The following DGKD variants were observed in gnomAD, a reference collection of about 807,000 sequenced individuals.
DGKD encodes diacylglycerol kinase delta.
A neutral mutation model predicts 154.4 loss-of-function variants in DGKD; 68 were observed. That is an observed-to-expected ratio of 0.44 (90% CI 0.36 to 0.54). The LOEUF is 0.54. DGKD is among the 20% of genes least tolerant of loss of function. DGKD has a pLI of 0.00. For missense variants in DGKD, 1,343 were observed against 1,593.6 expected (o/e 0.84, Z 2.68); for synonymous variants, 693 against 638.0 (o/e 1.09, Z -1.30).
At chr2:233,409,573 T>C (rs1414602153) in intron 3 of DGKD, among the ~76,000 whole-genome samples, 1 of 151,918 alleles carries the variant, frequency 6.6e-6, no homozygotes, top group African/African-American at 2.4e-5. Flanking sequence ...TAAAAAAAAA[T>C]CCCACGTTCC....
At chr2:233,409,385 G>A (rs1390918620) in intron 3 of DGKD, among the ~76,000 whole-genome samples, 1 of 152,112 alleles carries the variant, frequency 6.6e-6, no homozygotes, top group Non-Finnish European at 1.5e-5. Context: ...CTGGGGGGAA[G>A]ATACATGGAT....
intron 17 of DGKD, 152 bp from the exon 18 acceptor site, chr2:233,451,812 G>A: frequency 4.7e-6 from 3 of 642,302 alleles, no homozygotes; most frequent in South Asian, 2.1e-5. Flanking sequence ...AAGACTATTG[G>A]CAAAATTTGG....
rs1254129941 is a variant in DGKD at position 233,471,870 on chromosome 2, C to T, written c.*2410C>T. On this transcript the variant is annotated 3_prime_UTR_variant, in exon 30 of 30. Transcript: ENST00000264057. ...CCCCTTGTGGTGTTGCCAGACGGGC[C>T]TCATGGTCTGCTGTGCAGAGAGAGG... is the stretch of plus-strand genomic sequence containing the variant. The T allele has an allele frequency of 2.0e-5, 3 of 152,336 alleles. No homozygotes were observed. The highest frequency in any genetic ancestry group is 7.2e-5 in the African/African-American group (3 of 41,432). 9.4% of individuals were successfully genotyped at this position (152,336 alleles called of 1,614,324 possible).
chr2:233,467,330 C>T (rs2305539), intron 28 of DGKD, 127 bp downstream of exon 28: 21,883 of 722,714 alleles, frequency 0.03, 2,045 homozygotes, highest in Admixed American at 0.21. Flanking sequence ...CTGTAACCCC[C>T]GGTCCTGCGA....
intron 3 of DGKD, among the ~76,000 whole-genome samples, chr2:233,392,553 T>A (rs1472425978): frequency 6.6e-6 from 1 of 152,210 alleles, no homozygotes; most frequent in Non-Finnish European, 1.5e-5. Context: ...ACATACTGTG[T>A]TTTGATTTCA....
intron 11 of DGKD, 71 bp from the exon 12 acceptor site, chr2:233,446,641 C>G: frequency 6.7e-7 from 1 of 1,497,314 alleles, no homozygotes; most frequent in Non-Finnish European, 9.1e-7. Context: ...GCCGTGAAAG[C>G]GGACGGCGCA....
In DGKD at chr2:233,457,077, C is replaced by T. The variant is rs2063483778; in HGVS notation, c.2472+82C>T. 2.2e-6 allele frequency: 3 copies of T among 1,358,284 alleles called. No individual in the cohort carries two copies. Among genetic ancestry groups the T allele is most frequent in the African/African-American group, 1.4e-5 (1 of 69,812 alleles). 84.1% of individuals were successfully genotyped at this position (1,358,284 alleles called of 1,614,324 possible). A position where few individuals can be genotyped will look rare whatever the true frequency, so the allele number is the denominator to read the frequency against. ...CAGGCCTATTGCTTCTCCTGTTGAC[C>T]ATTTCCTCCATGCACAGGGACTTGC... On this transcript the variant is annotated intron_variant, in intron 20 of 29. Transcript: ENST00000264057. The surrounding 1 kb of genome is among the most constrained non-coding windows in gnomAD (Gnocchi z 5.5).
At chr2:233,422,211 A>G (rs898374404) in intron 3 of DGKD, among the ~76,000 whole-genome samples, 3 of 152,200 alleles carry the variant, frequency 2.0e-5, no homozygotes, top group Admixed American at 1.3e-4. Context: ...GAAGTGCACT[A>G]CTGTTTGAGG....
rs924270384 is a variant in DGKD at position 233,409,972 on chromosome 2, C to T, written c.348+19489C>T. On this transcript the variant is annotated intron_variant, in intron 3 of 29. Transcript: ENST00000264057. Reference sequence around the variant, plus strand: ...AGTGCTGGACTTCATACAGAAAAGTCGATGCTGTTTTCTTTTCTTTTTCTT... The same window carrying T: ...AGTGCTGGACTTCATACAGAAAAGTTGATGCTGTTTTCTTTTCTTTTTCTT... Among the ~76,000 whole-genome samples the T allele has an allele frequency of 2.2e-4, 34 of 151,904 alleles. 1 individual carries two copies. Among genetic ancestry groups the T allele is most frequent in the South Asian group, 8.3e-4 (4 of 4,800 alleles).
Position 233,438,083 on chromosome 2 carries a change from C to T in DGKD, c.923-134C>T. On this transcript the variant is annotated intron_variant, in intron 8 of 29. Transcript: ENST00000264057. This position sits in a 1 kb window ranked among gnomAD's most constrained non-coding sequence, Gnocchi z 4.1. ...CGGCTGTGGGGAACTGTTCACTGAC[C>T]TCCTCCTGACTTACAGGTGTGCATG... 1 of 1,001,554 alleles carries T rather than the reference C, an allele frequency of 1.0e-6. No individual in the cohort carries two copies. Among genetic ancestry groups the T allele is most frequent in the East Asian group, 2.4e-5 (1 of 41,356 alleles). 62.0% of individuals were successfully genotyped at this position (1,001,554 alleles called of 1,614,324 possible). A position where few individuals can be genotyped will look rare whatever the true frequency, so the allele number is the denominator to read the frequency against.
chr2:233,389,573 TAAA>T (rs34888206), intron 2 of DGKD, among the ~76,000 whole-genome samples: 2 of 143,134 alleles, frequency 1.4e-5, no homozygotes. Context: ...TTCCCTCAAT[TAAA>T]AAAAAAAAAA....
chr2:233,392,855 G>A (rs1354048571), intron 3 of DGKD, among the ~76,000 whole-genome samples: 1 of 152,082 alleles, frequency 6.6e-6, no homozygotes, highest in Non-Finnish European at 1.5e-5. Context: ...GTACTGTTGT[G>A]TAGTTTAAAC....
At chr2:233,451,926 C>G (rs1161925256) in intron 17 of DGKD, 38 bp from the exon 18 acceptor site, 1 of 1,585,912 alleles carries the variant, frequency 6.3e-7, no homozygotes, top group African/African-American at 1.3e-5. Flanking sequence ...GCTGTAGCTC[C>G]TGACCAGCAC....
At chr2:233,464,003 G>A in intron 26 of DGKD, 161 bp from the exon 27 acceptor site, 1 of 914,020 alleles carries the variant, frequency 1.1e-6, no homozygotes, top group Non-Finnish European at 1.6e-6. Context: ...TGAGGTTCTG[G>A]GTTTGGTTCC....
At chr2:233,397,817 G>A (rs1289268687) in intron 3 of DGKD, among the ~76,000 whole-genome samples, 1 of 151,926 alleles carries the variant, frequency 6.6e-6, no homozygotes, top group Non-Finnish European at 1.5e-5. Context: ...GGGGGCAGTG[G>A]GCAGGCTAGT....
intron 1 of DGKD, among the ~76,000 whole-genome samples, chr2:233,371,032 G>A (rs1345446918): frequency 1.3e-5 from 2 of 152,138 alleles, no homozygotes; most frequent in African/African-American, 4.8e-5. Context: ...GATTACAGGT[G>A]TGAGCCACTG....
chr2:233,428,044 C>T (rs2062371009), intron 3 of DGKD, among the ~76,000 whole-genome samples: 1 of 152,178 alleles, frequency 6.6e-6, no homozygotes, highest in African/African-American at 2.4e-5. Context: ...GAACATCCCC[C>T]AGAATCAGCC....
rs2062760481 is a variant in DGKD, at chr2:233,438,159, G to A, written c.923-58G>A. On this transcript the variant is annotated intron_variant, in intron 8 of 29. Coordinates refer to ENST00000264057, the MANE Select transcript of DGKD (RefSeq NM_152879.3). The surrounding 1 kb of genome is among the most constrained non-coding windows in gnomAD (Gnocchi z 4.1). Reference sequence around the variant, plus strand: ...GTCTGCTGCTGCTGATTCCATCAGTGGTGCCCTCAGCGTCTTCCGTGGCCT... The same window carrying A: ...GTCTGCTGCTGCTGATTCCATCAGTAGTGCCCTCAGCGTCTTCCGTGGCCT... 1 of 1,581,654 alleles carries A rather than the reference G, an allele frequency of 6.3e-7. No homozygotes were observed. The highest frequency in any genetic ancestry group is 2.2e-5 in the East Asian group (1 of 44,474).
At chr2:233,360,225 GC>G (rs1489625972) in intron 1 of DGKD, among the ~76,000 whole-genome samples, 1 of 152,104 alleles carries the variant, frequency 6.6e-6, no homozygotes, top group Non-Finnish European at 1.5e-5. Flanking sequence ...ACTTCAGGAT[GC>G]CCACATAATA....
Sources: allele counts gnomAD v4.1 joint callset (sites outside exome capture counted in the v4.1 genomes callset), GRCh38; gene constraint gnomAD v4.1.1; non-coding constraint Gnocchi (gnomAD v3.1); transcripts MANE v1.5; gene names NCBI Gene and HGNC (gene_info 2026-07-23, HGNC 2026-07-21).